The following AKAP13 variants were observed in gnomAD, a reference collection of about 807,000 sequenced individuals.
The protein encoded by AKAP13 is A-kinase anchor protein 13.
A neutral mutation model predicts 264.5 loss-of-function variants in AKAP13; 80 were observed. The ratio of observed to expected loss-of-function variants is 0.30; its 90% CI spans 0.25 to 0.36. AKAP13 has a LOEUF of 0.36. Ranked by LOEUF, AKAP13 falls within the 10% of genes least tolerant of loss-of-function variation. The pLI, the probability that AKAP13 is intolerant of heterozygous loss-of-function variation, is 1.00. For synonymous variants in AKAP13, 1,380 were observed against 1,250.2 expected, an observed-to-expected ratio of 1.10 and a Z score of -2.19; for missense variants, 3,712 against 3,435.2, an observed-to-expected ratio of 1.08 and a Z score of -2.01.
chr15:85,581,418 T>A lies in AKAP13; in HGVS notation c.3350T>A (p.Ile1117Asn). The change falls in exon 7 of 37, where the codon ATT becomes AAT. Residue 1117 changes from isoleucine to asparagine, a missense_variant. By Grantham distance (149) the Ile-to-Asn change is moderately radical. This residue lies in a region of AKAP13 where 2,759 missense variants were observed against 2,411.7 expected (regional missense o/e 1.14). Transcript: ENST00000394518. The stretch of plus-strand genomic sequence containing the variant: ...TCACACAACACCCAAGACATCCTGA[T>A]TCCAAACGTCTTGTTGAGCCAAGAG... ...NISHNTQDIL[I>N]PNVLLSQEKN... 6.2e-7 allele frequency: 1 copy of A among 1,614,218 alleles called. No homozygotes were observed.
intron 1 of AKAP13, among the ~76,000 whole-genome samples, chr15:85,429,570 T>TA (rs1219870289): frequency 6.6e-6 from 1 of 152,150 alleles, no homozygotes; most frequent in African/African-American, 2.4e-5. Flanking sequence ...GTTTGGGAGT[T>TA]AAAGTGTGCA....
chr15:85,453,196 A>G (rs986803475), intron 1 of AKAP13, among the ~76,000 whole-genome samples: 1 of 152,170 alleles, frequency 6.6e-6, no homozygotes, highest in Non-Finnish European at 1.5e-5. Flanking sequence ...GCAGTTCCAC[A>G]GTAGAGTCAG....
chr15:85,491,532 T>A (rs370069449), intron 2 of AKAP13, among the ~76,000 whole-genome samples: 2 of 112,582 alleles, frequency 1.8e-5, no homozygotes, highest in Non-Finnish European at 4.2e-5. Flanking sequence ...ATTATATATT[T>A]TATATATAAT....
intron 25 of AKAP13, 94 bp downstream of exon 25, chr15:85,722,441 C>T (rs2087345620): frequency 3.9e-6 from 4 of 1,023,646 alleles, no homozygotes; most frequent in Non-Finnish European, 5.7e-6. Context: ...CTATTTCATG[C>T]TTTAGTATGT....
At chr15:85,565,760 G>A (rs915981458) in intron 5 of AKAP13, among the ~76,000 whole-genome samples, 2 of 152,200 alleles carry the variant, frequency 1.3e-5, no homozygotes, top group African/African-American at 2.4e-5. Flanking sequence ...AAGGAGAGTG[G>A]ACAGAGAGAG....
chr15:85,403,811 G>C (rs1012383298), intron 1 of AKAP13, among the ~76,000 whole-genome samples: 2 of 148,296 alleles, frequency 1.3e-5, no homozygotes, highest in African/African-American at 2.5e-5. Flanking sequence ...CCACACCATC[G>C]CATGCCATCC....
intron 1 of AKAP13, among the ~76,000 whole-genome samples, chr15:85,465,727 C>T (rs1681415438): frequency 6.6e-6 from 1 of 150,982 alleles, no homozygotes; most frequent in Non-Finnish European, 1.5e-5. Flanking sequence ...GTATATGTGC[C>T]ACATTTTCTT....
At chr15:85,627,621 G>A (rs2081484632) in intron 8 of AKAP13, 1 of 152,226 alleles carries the variant, frequency 6.6e-6, no homozygotes, top group Non-Finnish European at 1.5e-5. Flanking sequence ...TAGATTCATT[G>A]TAGCTGTATC....
intron 5 of AKAP13, among the ~76,000 whole-genome samples, chr15:85,561,929 C>T (rs987593814): frequency 1.3e-5 from 2 of 152,142 alleles, no homozygotes; most frequent in East Asian, 1.9e-4. Flanking sequence ...TTTTTAGTTT[C>T]GTCTGTCTGC....
intron 13 of AKAP13, among the ~76,000 whole-genome samples, chr15:85,665,114 G>A (rs183709797): frequency 6.6e-6 from 1 of 152,082 alleles, no homozygotes; most frequent in Non-Finnish European, 1.5e-5. Context: ...GAGGTAGGAG[G>A]ATTACTTGAG....
chr15:85,463,101 C>A (rs2074587158), intron 1 of AKAP13, among the ~76,000 whole-genome samples: 1 of 147,612 alleles, frequency 6.8e-6, no homozygotes, highest in South Asian at 2.2e-4. Flanking sequence ...AGAAAAAAAT[C>A]ATCGCACTGT....
chr15:85,624,976 G>C (rs1027962357), intron 8 of AKAP13, among the ~76,000 whole-genome samples: 6 of 152,196 alleles, frequency 3.9e-5, no homozygotes, highest in African/African-American at 1.4e-4. Context: ...TTCACCAGAA[G>C]TTTGGATGTT....
Position 85,578,896 on chromosome 15 carries a change from C to T in AKAP13, c.862-34C>T, listed in dbSNP as rs375203836. The stretch of plus-strand genomic sequence containing the variant: ...TGTCAGTGACATCTTCTCCTACAGG[C>T]AGTTTTTTAAAAGTGTATTTCATTT... On this transcript the variant is annotated intron_variant, in intron 6 of 36. Transcript: ENST00000394518. 3 of 1,587,358 alleles carry T rather than the reference C, an allele frequency of 1.9e-6. No individual in the cohort carries two copies. The South Asian group carries it at 3.4e-5, about 18-fold the overall frequency.
Position 85,741,247 on chromosome 15 carries a change from G to A in AKAP13, c.7810G>A (p.Glu2604Lys). The A allele has an allele frequency of 1.2e-6, 2 of 1,609,662 alleles. No individual in the cohort carries two copies. Among genetic ancestry groups the A allele is most frequent in the Non-Finnish European group, 1.7e-6 (2 of 1,178,120 alleles). ...CGAGGAGAAGCGCAGGCGCGAGCGT[G>A]AGTGGGAAGCTCGTGAGAGGGAGCT... ...YLEEKRRRER[E>K]WEARERELRE... Residue 2604 changes from glutamate (E) to lysine (K), a missense_variant, in exon 35 of 37, where the codon GAG becomes AAG. This residue lies in a region of AKAP13 where 611 missense variants were observed against 539.3 expected (regional missense o/e 1.13). Transcript: ENST00000394518.
At chr15:85,656,498 G>A (rs2083099939) in intron 11 of AKAP13, among the ~76,000 whole-genome samples, 9 of 152,082 alleles carry the variant, frequency 5.9e-5, no homozygotes, top group Admixed American at 5.9e-4. Context: ...CCAGGCTGGA[G>A]TGCAGCGGCG....
rs1298821385 is a variant in AKAP13 at position 85,556,573 on chromosome 15, C to G, written c.662+12618C>G. Among the ~76,000 whole-genome samples, 5 of 152,192 alleles carry G rather than the reference C, an allele frequency of 3.3e-5. No homozygotes were observed. The East Asian group carries it at 9.6e-4, about 29-fold the overall frequency. On this transcript the variant is annotated intron_variant, in intron 5 of 36. Transcript: ENST00000394518. ...TTCTCACCCCTCCAAGAATAAAATC[C>G]TAGTTCCTACCAGGACTCACAAAGC...
At position 85,708,871 on chromosome 15, in the gene AKAP13, C is replaced by T. The variant is rs147318997; in HGVS notation, c.5532+785C>T. On this transcript the variant is annotated intron_variant, in intron 18 of 36. Coordinates refer to ENST00000394518, the MANE Select transcript of AKAP13 (RefSeq NM_007200.5). The surrounding 1 kb of genome is among the most constrained non-coding windows in gnomAD (Gnocchi z 4.3). ...CCTGGAATGTGCATCAGAATCAACT[C>T]GAGGGCTTATTGAAAGACAACTTAC... Among the ~76,000 whole-genome samples, 64 of 152,226 alleles carry T rather than the reference C, an allele frequency of 4.2e-4. No homozygotes were observed. The highest frequency in any genetic ancestry group is 1.4e-3 in the African/African-American group (58 of 41,540).
rs2089399030 is a variant in AKAP13 at position 85,747,318 on chromosome 15, T to TCATGGC, written c.*2643_*2648dup. The TCATGGC allele has an allele frequency of 6.6e-6, 1 of 152,412 alleles. No individual in the cohort carries two copies. The highest frequency in any genetic ancestry group is 2.4e-5 in the African/African-American group (1 of 41,438). The allele number at this position is 152,412 out of a possible 1,614,324, so 9.4% of individuals were successfully genotyped here. A position where few individuals can be genotyped will look rare whatever the true frequency, so the allele number is the denominator to read the frequency against. On this transcript the variant is annotated 3_prime_UTR_variant, in exon 37 of 37. Coordinates refer to ENST00000394518, the MANE Select transcript of AKAP13 (RefSeq NM_007200.5). Reference sequence around the variant, plus strand: ...GGATGGTGGCTGCCTGTGCTTTTGCTCATGGCCTTGACAGTGCTCTAGTTG... The same window carrying TCATGGC: ...GGATGGTGGCTGCCTGTGCTTTTGCTCATGGCCATGGCCTTGACAGTGCTCTAGTTG...
At chr15:85,620,045 G>T in intron 8 of AKAP13, 1 of 1,535,720 alleles carries the variant, frequency 6.5e-7, no homozygotes, top group Non-Finnish European at 8.7e-7. Context: ...AGTTAACAGT[G>T]GATATACTTC....
Sources: gnomAD v4.1 joint callset for allele counts (sites outside exome capture counted in the v4.1 genomes callset) on GRCh38, gnomAD v4.1.1 for gene constraint, gnomAD v4.1.1 regional missense constraint, Gnocchi (gnomAD v3.1) non-coding constraint, MANE v1.5 for transcripts, NCBI Gene and HGNC (gene_info 2026-07-23, HGNC 2026-07-21) for gene names.